The following SLIT3 variants were observed in gnomAD, a reference collection of about 807,000 sequenced individuals.
The protein encoded by SLIT3 is slit homolog 3 protein.
SLIT3 carries 68 observed loss-of-function variants against 184.0 expected under a neutral mutation model. The observed-to-expected ratio is 0.37, with a 90% CI of 0.30 to 0.45. SLIT3 has a LOEUF of 0.45. Ranked by LOEUF, SLIT3 falls within the 20% of genes least tolerant of loss-of-function variation. The pLI is 1.00. For missense variants in SLIT3, 1,707 were observed against 2,026.0 expected (o/e 0.84, Z 3.02); for synonymous variants, 831 against 828.6 (o/e 1.00, Z -0.05).
intron 4 of SLIT3, among the ~76,000 whole-genome samples, chr5:169,190,642 C>T (rs1410245674): frequency 1.3e-5 from 2 of 152,120 alleles, no homozygotes; most frequent in Non-Finnish European, 2.9e-5. Flanking sequence ...GTAGTTTTGC[C>T]TATAAGACTA....
At position 168,741,407 on chromosome 5, in the gene SLIT3, C is replaced by T. The variant is rs566383696; in HGVS notation, c.2270+6895G>A. Among the ~76,000 whole-genome samples, 5 of 140,420 alleles carry T rather than the reference C, an allele frequency of 3.6e-5. No homozygotes were observed. In the East Asian group the frequency reaches 8.6e-4, roughly 24 times the overall value. The allele number at this position is 140,420 out of a possible 152,430, so 92.1% of individuals were successfully genotyped here. ...AATGGTGTGAACCCGGGAGGCAGAG[C>T]TTGCAGTAAGCCGAGATCACACCAC... On this transcript the variant is annotated intron_variant, in intron 20 of 35. Coordinates refer to ENST00000519560, the MANE Select transcript of SLIT3 (RefSeq NM_003062.4).
At chr5:168,787,655 C>T (rs898804354) in intron 11 of SLIT3, among the ~76,000 whole-genome samples, 2 of 152,192 alleles carry the variant, frequency 1.3e-5, no homozygotes, top group South Asian at 4.2e-4. Context: ...CCTCCCTCCC[C>T]CGCACCTCCC....
intron 4 of SLIT3, among the ~76,000 whole-genome samples, chr5:169,191,895 G>A (rs1335435200): frequency 2.6e-5 from 4 of 152,152 alleles, no homozygotes; most frequent in Admixed American, 6.5e-5. Context: ...ACATAAAGTC[G>A]TCCAGCATTC....
At chr5:168,867,184 C>T (rs1460390328) in intron 5 of SLIT3, among the ~76,000 whole-genome samples, 1 of 152,168 alleles carries the variant, frequency 6.6e-6, no homozygotes, top group Non-Finnish European at 1.5e-5. Context: ...TCAAACTATG[C>T]TTGGAAACAT....
chr5:168,702,962 G>A (rs575381632), intron 26 of SLIT3, among the ~76,000 whole-genome samples: 26 of 152,266 alleles, frequency 1.7e-4, no homozygotes, highest in South Asian at 1.5e-3. Context: ...CAACTATGGC[G>A]GTGGTGGTGG....
chr5:169,236,476 TTG>T (rs1244275029), intron 3 of SLIT3, among the ~76,000 whole-genome samples: 5 of 101,030 alleles, frequency 4.9e-5, no homozygotes, highest in African/African-American at 1.2e-4. Flanking sequence ...GTGTTTTGTT[TTG>T]TTTTTTTTTT....
intron 4 of SLIT3, among the ~76,000 whole-genome samples, chr5:169,090,642 T>A (rs1309205970): frequency 6.6e-6 from 1 of 152,156 alleles, no homozygotes; most frequent in Admixed American, 6.5e-5. Flanking sequence ...CTAAGACGTG[T>A]TAAGGATCTT....
chr5:169,181,425 C>A (rs1416306618), intron 4 of SLIT3, among the ~76,000 whole-genome samples: 2 of 152,074 alleles, frequency 1.3e-5, no homozygotes, highest in Non-Finnish European at 2.9e-5. Context: ...TAGATTGCTA[C>A]CACTGGTTTT....
chr5:168,687,309 C>T (rs562217295), intron 29 of SLIT3, among the ~76,000 whole-genome samples, 193 bp from the exon 30 acceptor site: 4 of 152,342 alleles, frequency 2.6e-5, no homozygotes, highest in South Asian at 2.1e-4. Flanking sequence ...CATGGTGGGG[C>T]GAGTCTTGTG....
At chr5:168,745,849 T>C (rs939160499) in intron 20 of SLIT3, among the ~76,000 whole-genome samples, 1 of 152,182 alleles carries the variant, frequency 6.6e-6, no homozygotes, top group East Asian at 1.9e-4. Flanking sequence ...GAAATTGCCA[T>C]AGCCACCCAA....
chr5:168,801,611 T>C (rs900867554), intron 9 of SLIT3, among the ~76,000 whole-genome samples: 1 of 152,136 alleles, frequency 6.6e-6, no homozygotes, highest in Non-Finnish European at 1.5e-5. Context: ...TAAAGACAGA[T>C]GGTCCCTCCA....
intron 16 of SLIT3, among the ~76,000 whole-genome samples, chr5:168,755,382 T>C (rs1754857190): frequency 6.7e-6 from 1 of 150,322 alleles, no homozygotes; most frequent in African/African-American, 2.4e-5. Flanking sequence ...AAACCCTCAG[T>C]GCCGCCATTT....
chr5:168,924,288 C>T (rs756242120), intron 4 of SLIT3, among the ~76,000 whole-genome samples: 2 of 152,178 alleles, frequency 1.3e-5, no homozygotes, highest in Non-Finnish European at 2.9e-5. Flanking sequence ...GGATCCAGGG[C>T]ACTCCTAGCC....
intron 4 of SLIT3, among the ~76,000 whole-genome samples, chr5:169,143,866 G>C (rs953519927): frequency 1.4e-4 from 21 of 152,150 alleles, no homozygotes; most frequent in Admixed American, 1.2e-3. Context: ...ATCAGGGAGA[G>C]AGAAAGTGAG....
In SLIT3 at chr5:169,227,493, T is replaced by C. The variant is rs867390545; in HGVS notation, c.341+17212A>G. 1.6e-4 allele frequency among the ~76,000 whole-genome samples: 25 copies of C among 152,322 alleles called. 1 individual carries two copies. The highest frequency in any genetic ancestry group is 6.0e-4 in the African/African-American group (25 of 41,578). ...CCCAGGCTGGAATACAGTGGCACGA[T>C]CTTGGCTTACTGCAACCTCCCCCTC... On this transcript the variant is annotated intron_variant, in intron 3 of 35. Transcript: ENST00000519560.
At chr5:169,048,415 T>C (rs182372026) in intron 4 of SLIT3, among the ~76,000 whole-genome samples, 13 of 152,360 alleles carry the variant, frequency 8.5e-5, no homozygotes, top group African/African-American at 2.9e-4. Context: ...GACCTTTTAC[T>C]GAATAGAGTC....
intron 3 of SLIT3, among the ~76,000 whole-genome samples, chr5:169,229,884 G>A (rs1240634996): frequency 9.9e-5 from 15 of 152,170 alleles, no homozygotes; most frequent in Admixed American, 9.8e-4. Flanking sequence ...GGGGGAAGGA[G>A]TAAGAGAAGG....
At chr5:169,006,090 T>G (rs975640997) in intron 4 of SLIT3, among the ~76,000 whole-genome samples, 2 of 151,960 alleles carry the variant, frequency 1.3e-5, no homozygotes, top group East Asian at 3.9e-4. Context: ...ATAATCTAAG[T>G]GAAAGGGGAC....
chr5:168,901,684 A>T (rs1476072312), intron 4 of SLIT3, among the ~76,000 whole-genome samples: 2 of 152,250 alleles, frequency 1.3e-5, no homozygotes, highest in East Asian at 1.9e-4. Flanking sequence ...GCCCAAAGTC[A>T]TATAGCCTAA....
Sources: allele counts gnomAD v4.1 joint callset (sites outside exome capture counted in the v4.1 genomes callset), GRCh38; gene constraint gnomAD v4.1.1; transcripts MANE v1.5; gene names NCBI Gene and HGNC (gene_info 2026-07-23, HGNC 2026-07-21).